IQSEC1: variants seen among roughly 807,000 people sequenced by gnomAD.
IQSEC1 encodes IQ motif and SEC7 domain-containing protein 1.
Under a neutral mutation model 91.0 loss-of-function variants are expected in IQSEC1, and 31 were observed. That is an observed-to-expected ratio of 0.34 (90% confidence interval 0.26 to 0.46). The LOEUF (loss-of-function observed/expected upper bound fraction) is 0.46, where lower values mean the gene tolerates loss of function less well. IQSEC1 is among the 20% of genes least tolerant of loss of function. The pLI is 1.00. For synonymous variants in IQSEC1, 699 were observed against 662.6 expected (o/e 1.05, Z -0.84); for missense variants, 1,388 against 1,575.6 (o/e 0.88, Z 2.02).
At chr3:13,144,465 C>T (rs534628357) in intron 2 of IQSEC1, among the ~76,000 whole-genome samples, 45 of 152,358 alleles carry the variant, frequency 3.0e-4, no homozygotes, top group Non-Finnish European at 4.7e-4. Context: ...CACCTCCCCA[C>T]GCCTGTCCTG....
chr3:13,120,518 G>A (rs1419685737), intron 2 of IQSEC1, among the ~76,000 whole-genome samples: 2 of 152,222 alleles, frequency 1.3e-5, no homozygotes, highest in African/African-American at 2.4e-5. Flanking sequence ...AGGCCTGCAC[G>A]TGGTACACAC....
intron 1 of IQSEC1, among the ~76,000 whole-genome samples, chr3:13,047,107 C>T (rs147773808): frequency 3.3e-5 from 5 of 152,194 alleles, no homozygotes; most frequent in Admixed American, 2.6e-4. Context: ...GGGCTGCAGC[C>T]TTGGTCGTCA....
At chr3:13,170,569 T>TTTCCACAGCCTGCAAA (rs1693587869) in intron 1 of IQSEC1, among the ~76,000 whole-genome samples, 1 of 152,186 alleles carries the variant, frequency 6.6e-6, no homozygotes, top group Non-Finnish European at 1.5e-5. Context: ...AGGGAGGCTG[T>TTTCCACAGCCTGCAAA]ACCCTGCAAA....
At chr3:13,028,996 G>A (rs1327504118) in intron 1 of IQSEC1, among the ~76,000 whole-genome samples, 1 of 152,154 alleles carries the variant, frequency 6.6e-6, no homozygotes, top group East Asian at 1.9e-4. Context: ...CACAACATGG[G>A]GAGAAAAATA....
chr3:13,124,684 C>G (rs1430037792), intron 2 of IQSEC1, among the ~76,000 whole-genome samples: 1 of 152,202 alleles, frequency 6.6e-6, no homozygotes, highest in Non-Finnish European at 1.5e-5. Flanking sequence ...GCGGGACTGT[C>G]ATTATTCGTG....
At chr3:13,220,239 G>A (rs1363364226) in intron 1 of IQSEC1, among the ~76,000 whole-genome samples, 2 of 152,240 alleles carry the variant, frequency 1.3e-5, no homozygotes, top group Non-Finnish European at 2.9e-5. Flanking sequence ...CCCCTCCAAG[G>A]GGACTGCGCC....
chr3:13,013,727 G>T (rs1315795508), intron 1 of IQSEC1, among the ~76,000 whole-genome samples: 2 of 151,422 alleles, frequency 1.3e-5, no homozygotes, highest in Admixed American at 6.6e-5. Context: ...GGAAGGGATG[G>T]TTTATCTGAT....
chr3:13,016,228 C>T (rs889165531), intron 1 of IQSEC1, among the ~76,000 whole-genome samples: 12 of 152,244 alleles, frequency 7.9e-5, no homozygotes, highest in Non-Finnish European at 1.6e-4. Flanking sequence ...CGGGCCCAGG[C>T]CCCTCCTCCA....
intron 1 of IQSEC1, among the ~76,000 whole-genome samples, chr3:13,166,523 T>G (rs165267): frequency 0.44 from 67,503 of 152,086 alleles, 15,100 homozygotes; most frequent in Admixed American, 0.53. Flanking sequence ...GGCTTCCAGG[T>G]GGCCTCAGTA....
At position 12,899,461 on chromosome 3, in the gene IQSEC1, CGGGCACAGACCTGCCGCGTGCAG is replaced by C; in HGVS notation, c.*1499_*1521del. 3 of 1,603,824 alleles carry C rather than the reference CGGGCACAGACCTGCCGCGTGCAG, an allele frequency of 1.9e-6. No homozygotes were observed. On this transcript the variant is annotated 3_prime_UTR_variant, in exon 14 of 14. Transcript: ENST00000613206. ...TACAAAGTATGGCCCGTGGGTGACT[CGGGCACAGACCTGCCGCGTGCAG>C]GTCTGGCCCTGGGGAGCGCATGGTG...
chr3:13,236,699 C>T (rs1218851774), intron 1 of IQSEC1, among the ~76,000 whole-genome samples: 1 of 152,194 alleles, frequency 6.6e-6, no homozygotes, highest in African/African-American at 2.4e-5. Flanking sequence ...GGCGCCAGCT[C>T]CACCCGGGCC....
chr3:12,906,941 GA>G (rs1257940327), intron 12 of IQSEC1, among the ~76,000 whole-genome samples: 1 of 152,208 alleles, frequency 6.6e-6, no homozygotes, highest in Non-Finnish European at 1.5e-5. Flanking sequence ...GGCCACTGGG[GA>G]AACCAGTGGT....
At chr3:13,012,153 A>G (rs960162674) in intron 1 of IQSEC1, among the ~76,000 whole-genome samples, 2 of 152,170 alleles carry the variant, frequency 1.3e-5, no homozygotes, top group African/African-American at 4.8e-5. Flanking sequence ...TTTCACCCAC[A>G]TGCAGGCTTA....
At chr3:13,001,476 C>A (rs1184153710) in intron 1 of IQSEC1, among the ~76,000 whole-genome samples, 1 of 152,210 alleles carries the variant, frequency 6.6e-6, no homozygotes, top group African/African-American at 2.4e-5. Context: ...AGAAACACTG[C>A]ATCCAGTGGT....
chr3:13,104,644 C>A (rs1039507434), intron 2 of IQSEC1, among the ~76,000 whole-genome samples: 2 of 152,236 alleles, frequency 1.3e-5, no homozygotes, highest in South Asian at 2.1e-4. Context: ...CACCTCTCCC[C>A]CTCCGGTGGC....
At chr3:13,060,683 G>A (rs1301242760) in intron 1 of IQSEC1, among the ~76,000 whole-genome samples, 1 of 152,208 alleles carries the variant, frequency 6.6e-6, no homozygotes, top group African/African-American at 2.4e-5. Context: ...GCAGGGTGGG[G>A]GCCGGTATGT....
At chr3:12,920,220 A>G (rs146237609) in intron 6 of IQSEC1, among the ~76,000 whole-genome samples, 11 of 152,356 alleles carry the variant, frequency 7.2e-5, no homozygotes, top group Non-Finnish European at 1.6e-4. Context: ...GGCCTGTGTC[A>G]TGCAGCCTGT....
At chr3:12,907,180 T>G (rs1420074153) in intron 12 of IQSEC1, among the ~76,000 whole-genome samples, 1 of 152,150 alleles carries the variant, frequency 6.6e-6, no homozygotes, top group Non-Finnish European at 1.5e-5. Context: ...TGCTGGCAAC[T>G]GGCAATGAAT....
intron 2 of IQSEC1, among the ~76,000 whole-genome samples, chr3:13,112,560 G>A (rs181300258): frequency 1.3e-5 from 2 of 151,824 alleles, no homozygotes; most frequent in East Asian, 1.9e-4. Context: ...GTCAGGGAGG[G>A]CTTCCCAGGG....
Sources: gnomAD v4.1 joint callset for allele counts (sites outside exome capture counted in the v4.1 genomes callset) on GRCh38, gnomAD v4.1.1 for gene constraint, MANE v1.5 for transcripts, NCBI Gene and HGNC (gene_info 2026-07-23, HGNC 2026-07-21) for gene names.